The following KCNC1 variants were observed in gnomAD, a reference collection of about 807,000 sequenced individuals.
KCNC1 encodes potassium voltage-gated channel subfamily C member 1.
In KCNC1, 8 loss-of-function variants were observed where a neutral mutation model predicts 43.4. The ratio of observed to expected loss-of-function variants is 0.18; its 90% CI spans 0.11 to 0.33. The LOEUF (loss-of-function observed/expected upper bound fraction) is 0.33, where lower values mean the gene tolerates loss of function less well. Among genes scored for constraint, KCNC1 ranks in the 10% least tolerant of loss-of-function variants. The probability of loss-of-function intolerance (pLI) is 1.00; values close to 1 mark genes in which losing one functional copy is unlikely to be tolerated. For missense variants in KCNC1, 420 were observed against 836.0 expected, an observed-to-expected ratio of 0.50 and a Z score of 6.14; for synonymous variants, 361 against 360.5, an observed-to-expected ratio of 1.00 and a Z score of -0.01.
At chr11:17,768,612 T>TGGGG (rs71457883) in intron 1 of KCNC1, among the ~76,000 whole-genome samples, 2 of 105,546 alleles carry the variant, frequency 1.9e-5, no homozygotes, top group African/African-American at 3.4e-5. Flanking sequence ...TGGATGTTGG[T>TGGGG]GGGGGGGGGG....
chr11:17,772,836 T>C, intron 2 of KCNC1: 1 of 1,397,602 alleles, frequency 7.2e-7, no homozygotes, highest in Non-Finnish European at 9.2e-7. Flanking sequence ...ACGCGGTTGG[T>C]CTCGTGATGT....
chr11:17,777,892 C>A lies in KCNC1; in HGVS notation c.1505-1564C>A. On this transcript the variant is annotated intron_variant, in intron 2 of 3. Transcript: ENST00000265969. This position sits in a 1 kb window ranked among gnomAD's most constrained non-coding sequence, Gnocchi z 4.3. ...GGCGGTAATCCCACCCACGTGCACG[C>A]CCAGCGTGTGCACGTGGGGAAGGAT... The A allele has an allele frequency of 1.0e-6, 1 of 977,534 alleles. No individual in the cohort carries two copies. The highest frequency in any genetic ancestry group is 4.7e-5 in the South Asian group (1 of 21,096). 60.6% of individuals were successfully genotyped at this position (977,534 alleles called of 1,614,324 possible). A position where few individuals can be genotyped will look rare whatever the true frequency, so the allele number is the denominator to read the frequency against.
chr11:17,735,786 G>T lies in KCNC1; in HGVS notation c.-217G>T. 1 of 468,740 alleles carries T rather than the reference G, an allele frequency of 2.1e-6. No individual in the cohort carries two copies. Among genetic ancestry groups the T allele is most frequent in the Non-Finnish European group, 3.6e-6 (1 of 274,946 alleles). 29.0% of individuals were successfully genotyped at this position (468,740 alleles called of 1,614,324 possible). On this transcript the variant is annotated 5_prime_UTR_variant, in exon 1 of 4. Transcript: ENST00000265969. The surrounding 1 kb of genome is among the most constrained non-coding windows in gnomAD (Gnocchi z 6.7). ...CCACATCTGGCTCCTAGAGACCCCT[G>T]GGATCCCGCGCACATTCCCCTGGAC...
intron 1 of KCNC1, among the ~76,000 whole-genome samples, chr11:17,743,259 C>G (rs1238433166): frequency 1.3e-5 from 2 of 152,234 alleles, no homozygotes; most frequent in Non-Finnish European, 2.9e-5. Context: ...AGACCTCAGT[C>G]TGTCTGACGC....
Position 17,776,972 on chromosome 11 carries a change from G to A in KCNC1, c.1505-2484G>A, listed in dbSNP as rs1192883969. 1.0e-6 allele frequency: 1 copy of A among 985,342 alleles called. No individual in the cohort carries two copies. The highest frequency in any genetic ancestry group is 1.2e-6 in the Non-Finnish European group (1 of 830,004). The allele number at this position is 985,342 out of a possible 1,614,324, so 61.0% of individuals were successfully genotyped here. A position where few individuals can be genotyped will look rare whatever the true frequency, so the allele number is the denominator to read the frequency against. On this transcript the variant is annotated intron_variant, in intron 2 of 3. Transcript: ENST00000265969. The surrounding 1 kb of genome is among the most constrained non-coding windows in gnomAD (Gnocchi z 4.4). ...CCCAATCATTAGTCCCTCCTCAAAG[G>A]TTAGGGTTGAGAGAAGCAGTAGGCC... is the stretch of plus-strand genomic sequence containing the variant.
intron 1 of KCNC1, among the ~76,000 whole-genome samples, chr11:17,741,527 A>G (rs1590091671): frequency 1.3e-5 from 2 of 150,742 alleles, no homozygotes; most frequent in Admixed American, 1.3e-4. Context: ...CCTCAGGCTC[A>G]CCTCCCCGGC....
Position 17,779,492 on chromosome 11 carries a change from T to C in KCNC1, c.1541T>C (p.Leu514Pro). ...KLNGEVAKAA[L>P]ANEDCPHIDQ... ...AATGGGGAGGTGGCGAAGGCCGCGC[T>C]GGCGAACGAAGACTGCCCCCACATA... The change falls in exon 3 of 4, where the codon CTG (leucine) becomes CCG (proline). Residue 514 changes from leucine to proline, a missense_variant. This residue lies in a region of KCNC1 where 147 missense variants were observed against 176.1 expected (regional missense o/e 0.83). Transcript: ENST00000265969. The surrounding 1 kb of genome is among the most constrained non-coding windows in gnomAD (Gnocchi z 7.2). 6.4e-7 allele frequency: 1 copy of C among 1,550,434 alleles called. No homozygotes were observed. The highest frequency in any genetic ancestry group is 1.2e-5 in the South Asian group (1 of 83,930).
intron 1 of KCNC1, among the ~76,000 whole-genome samples, chr11:17,745,256 C>T (rs1226871377): frequency 4.6e-5 from 7 of 152,112 alleles, no homozygotes; most frequent in East Asian, 1.9e-4. Flanking sequence ...GCTGAGGCTT[C>T]GATGGCAGGG....
In KCNC1 at chr11:17,779,535, C is replaced by A. The variant is rs1044982783; in HGVS notation, c.1584C>A (p.Pro528=). 3.9e-6 allele frequency: 6 copies of A among 1,551,208 alleles called. No individual in the cohort carries two copies. The highest frequency in any genetic ancestry group is 5.2e-6 in the Non-Finnish European group (6 of 1,146,812). The change falls in exon 3 of 4, where the codon CCC becomes CCA. Residue 528 remains proline (P), a synonymous_variant. Coordinates refer to ENST00000265969, the MANE Select transcript of KCNC1 (RefSeq NM_001112741.2). The surrounding 1 kb of genome is among the most constrained non-coding windows in gnomAD (Gnocchi z 7.2). The part of the protein sequence containing the change: ...DCPHIDQALT[P]DEGLPFTRSG... ...CCCACATAGACCAGGCCCTCACTCC[C>A]GATGAGGGCCTGCCCTTTACGCGCT...
Position 17,765,567 on chromosome 11 carries a change from A to G in KCNC1, c.571-6098A>G, listed in dbSNP as rs1218857459. On this transcript the variant is annotated intron_variant, in intron 1 of 3. Coordinates refer to ENST00000265969, the MANE Select transcript of KCNC1 (RefSeq NM_001112741.2). ...AAATGGGATGCCTTGCTCTGTTGCC[A>G]TGGCGACCACTTTCTAGAACACAAT... Among the ~76,000 whole-genome samples, 4 of 152,328 alleles carry G rather than the reference A, an allele frequency of 2.6e-5. No homozygotes were observed. The South Asian group carries it at 6.2e-4, about 24-fold the overall frequency.
chr11:17,737,243 C>T (rs141263706), intron 1 of KCNC1, among the ~76,000 whole-genome samples: 165 of 152,130 alleles, frequency 1.1e-3, no homozygotes, highest in African/African-American at 3.8e-3. Context: ...TCTGAGCCCC[C>T]GATCCTGAGA....
Position 17,777,292 on chromosome 11 carries a change from C to CT in KCNC1, c.1505-2163dup, listed in dbSNP as rs1302245782. 2 of 985,806 alleles carry CT rather than the reference C, an allele frequency of 2.0e-6. No homozygotes were observed. The highest frequency in any genetic ancestry group is 3.5e-5 in the African/African-American group (2 of 57,210). 61.1% of individuals were successfully genotyped at this position (985,806 alleles called of 1,614,324 possible). On this transcript the variant is annotated intron_variant, in intron 2 of 3. Coordinates refer to ENST00000265969, the MANE Select transcript of KCNC1 (RefSeq NM_001112741.2). This position sits in a 1 kb window ranked among gnomAD's most constrained non-coding sequence, Gnocchi z 4.3. ...CCCCTCCCCAGGCAAGAACTGCAGG[C>CT]TGTGGACACCTCCCCTGGCAGAGGA... is the stretch of plus-strand genomic sequence containing the variant.
chr11:17,772,213 C>T lies in KCNC1; in HGVS notation c.1119C>T (p.Pro373=), dbSNP rs143960025. The change falls in exon 2 of 4, where the codon CCC becomes CCT. Residue 373 remains proline, a synonymous_variant. Coordinates refer to ENST00000265969, the MANE Select transcript of KCNC1 (RefSeq NM_001112741.2). ...IYYAERIGAQ[P]NDPSASEHTH... is the part of the protein sequence containing the mutation. ...ACGCCGAGAGGATAGGGGCACAGCCCAATGACCCCAGCGCCAGTGAGCACA... is the reference window on the plus strand; with the variant it reads ...ACGCCGAGAGGATAGGGGCACAGCCTAATGACCCCAGCGCCAGTGAGCACA... 16 of 1,614,096 alleles carry T rather than the reference C, an allele frequency of 9.9e-6. No individual in the cohort carries two copies. In the Admixed American group the frequency reaches 1.7e-4, roughly 17 times the overall value.
chr11:17,746,819 C>T (rs751624002), intron 1 of KCNC1, among the ~76,000 whole-genome samples: 5 of 152,096 alleles, frequency 3.3e-5, no homozygotes, highest in South Asian at 2.1e-4. Flanking sequence ...ATCAGGCCTT[C>T]GATCGAATCC....
intron 2 of KCNC1, chr11:17,774,345 G>A (rs1391490412): frequency 1.0e-6 from 1 of 985,434 alleles, no homozygotes; most frequent in African/African-American, 1.7e-5. Context: ...TGGCATCACT[G>A]TGGCACTACC....
Position 17,776,133 on chromosome 11 carries a change from GA to G in KCNC1, c.1505-3321del, listed in dbSNP as rs1849284514. On this transcript the variant is annotated intron_variant, in intron 2 of 3. Transcript: ENST00000265969. This position sits in a 1 kb window ranked among gnomAD's most constrained non-coding sequence, Gnocchi z 4.4. ...GCTGTGGGGGAAGTAGCGGAGAAAT[GA>G]AGTGACGCCAGGGGCCAGGCATGGG... is the stretch of plus-strand genomic sequence containing the variant. The G allele has an allele frequency of 1.0e-6, 1 of 985,332 alleles. No homozygotes were observed. Among genetic ancestry groups the G allele is most frequent in the Non-Finnish European group, 1.2e-6 (1 of 829,976 alleles). The allele number at this position is 985,332 out of a possible 1,614,324, so 61.0% of individuals were successfully genotyped here. A position where few individuals can be genotyped will look rare whatever the true frequency, so the allele number is the denominator to read the frequency against.
At chr11:17,772,905 G>T in intron 2 of KCNC1, 1 of 1,244,490 alleles carries the variant, frequency 8.0e-7, no homozygotes, top group Admixed American at 4.0e-5. Context: ...GGAGCCAGGG[G>T]GGCTCTGCTT....
At chr11:17,770,854 C>T (rs1849217498) in intron 1 of KCNC1, among the ~76,000 whole-genome samples, 8 of 152,126 alleles carry the variant, frequency 5.3e-5, no homozygotes, top group Admixed American at 5.2e-4. Context: ...CAAGCAGAGC[C>T]TATGGATTAT....
At chr11:17,772,779 A>G (rs1331843927) in intron 2 of KCNC1, 181 bp downstream of exon 2, 3 of 1,475,142 alleles carry the variant, frequency 2.0e-6, no homozygotes, top group Non-Finnish European at 2.7e-6. Flanking sequence ...TCAGCAGGCA[A>G]GAGCCTGCTA....
Sources: allele counts gnomAD v4.1 joint callset (sites outside exome capture counted in the v4.1 genomes callset), GRCh38; gene constraint gnomAD v4.1.1; regional missense constraint gnomAD v4.1.1; non-coding constraint Gnocchi (gnomAD v3.1); transcripts MANE v1.5; gene names NCBI Gene and HGNC (gene_info 2026-07-23, HGNC 2026-07-21).